The following SYT1 variants were observed in gnomAD, a reference collection of about 807,000 sequenced individuals.
SYT1 encodes the protein synaptotagmin 1.
SYT1 carries 8 observed loss-of-function variants against 44.8 expected under a neutral mutation model. The observed-to-expected ratio is 0.18, with a 90% CI of 0.10 to 0.32. The LOEUF (loss-of-function observed/expected upper bound fraction) is 0.32, where lower values mean the gene tolerates loss of function less well. SYT1 is among the 10% of genes least tolerant of loss of function. The probability of loss-of-function intolerance (pLI) is 1.00; values close to 1 mark genes in which losing one functional copy is unlikely to be tolerated. For missense variants in SYT1, 286 were observed against 509.3 expected, an observed-to-expected ratio of 0.56 and a Z score of 4.22; for synonymous variants, 154 against 188.8, an observed-to-expected ratio of 0.82 and a Z score of 1.51.
intron 8 of SYT1, among the ~76,000 whole-genome samples, chr12:79,344,961 T>A (rs961186116): frequency 6.6e-6 from 1 of 152,178 alleles, no homozygotes; most frequent in African/African-American, 2.4e-5. Context: ...ATTACATGAA[T>A]TTTACACTTA....
intron 1 of SYT1, among the ~76,000 whole-genome samples, chr12:78,932,036 T>G (rs948028066): frequency 6.6e-6 from 1 of 152,238 alleles, no homozygotes; most frequent in African/African-American, 2.4e-5. Context: ...GCAGTCTGTT[T>G]GGACAGCCAC....
chr12:79,233,315 T>C (rs1480070256), intron 4 of SYT1, among the ~76,000 whole-genome samples: 3 of 152,262 alleles, frequency 2.0e-5, no homozygotes, highest in Non-Finnish European at 4.4e-5. Context: ...ATGATTGTTA[T>C]CTAACATAGC....
At chr12:79,205,030 T>C (rs1184353317) in intron 3 of SYT1, among the ~76,000 whole-genome samples, 2 of 144,322 alleles carry the variant, frequency 1.4e-5, no homozygotes, top group Admixed American at 7.4e-5. Flanking sequence ...AGTGGTGCAA[T>C]CTCGGCTCAC....
intron 4 of SYT1, among the ~76,000 whole-genome samples, chr12:79,253,517 C>G (rs987052431): frequency 4.0e-5 from 6 of 151,382 alleles, no homozygotes; most frequent in Non-Finnish European, 8.9e-5. Context: ...CTCTCTCTCT[C>G]TCTCTCTCAC....
intron 2 of SYT1, among the ~76,000 whole-genome samples, chr12:79,000,327 C>G (rs966967724): frequency 1.6e-5 from 2 of 127,632 alleles, no homozygotes; most frequent in Middle Eastern, 5.4e-3. Flanking sequence ...GAGTTTCGCT[C>G]TAGTTGCCCA....
chr12:78,884,319 A>G (rs1299172903), intron 1 of SYT1, among the ~76,000 whole-genome samples: 2 of 151,620 alleles, frequency 1.3e-5, no homozygotes, highest in Admixed American at 6.6e-5. Context: ...GAATAGCTAT[A>G]TCTACTGCTT....
chr12:79,356,177 A>G (rs1883105711), intron 9 of SYT1, among the ~76,000 whole-genome samples: 1 of 151,488 alleles, frequency 6.6e-6, no homozygotes, highest in African/African-American at 2.4e-5. Context: ...TCTGGGAGAG[A>G]CAACAGATAC....
At chr12:79,305,157 A>G (rs987583744) in intron 8 of SYT1, among the ~76,000 whole-genome samples, 3 of 152,234 alleles carry the variant, frequency 2.0e-5, no homozygotes, top group Non-Finnish European at 4.4e-5. Context: ...GGTTAAAAAG[A>G]CTTTTCAGGC....
chr12:78,914,306 T>C (rs1052774205), intron 1 of SYT1, among the ~76,000 whole-genome samples: 1 of 151,838 alleles, frequency 6.6e-6, no homozygotes, highest in Non-Finnish European at 1.5e-5. Context: ...GTGGTGCTGA[T>C]AATGAAGAGT....
At chr12:79,256,826 GT>G (rs1877545639) in intron 4 of SYT1, among the ~76,000 whole-genome samples, 1 of 152,108 alleles carries the variant, frequency 6.6e-6, no homozygotes, top group African/African-American at 2.4e-5. Context: ...TTTTATCTGA[GT>G]AACAATATTA....
intron 1 of SYT1, among the ~76,000 whole-genome samples, chr12:78,926,138 T>C (rs929128765): frequency 1.3e-5 from 2 of 151,916 alleles, no homozygotes; most frequent in Admixed American, 1.3e-4. Context: ...AAACAAAGAG[T>C]CCTGAGGCAT....
chr12:79,100,281 C>G (rs2138046415), intron 3 of SYT1, among the ~76,000 whole-genome samples: 1 of 152,218 alleles, frequency 6.6e-6, no homozygotes, highest in East Asian at 1.9e-4. Flanking sequence ...GGTCACACAC[C>G]TAGCAAGTGG....
intron 3 of SYT1, among the ~76,000 whole-genome samples, chr12:79,105,265 A>G (rs1878651728): frequency 6.6e-6 from 1 of 152,122 alleles, no homozygotes; most frequent in South Asian, 2.1e-4. Flanking sequence ...CCAGCTTCCC[A>G]TGTGTGATGA....
chr12:78,916,725 T>C (rs1876674910), intron 1 of SYT1, among the ~76,000 whole-genome samples: 1 of 152,062 alleles, frequency 6.6e-6, no homozygotes, highest in Non-Finnish European at 1.5e-5. Context: ...GTGTTTAATA[T>C]TTAATATTGA....
chr12:79,323,948 C>CTTTTT (rs56962075), intron 8 of SYT1, among the ~76,000 whole-genome samples: 15 of 112,618 alleles, frequency 1.3e-4, no homozygotes, highest in East Asian at 2.7e-4. Flanking sequence ...TTTCTATTTT[C>CTTTTT]TTTTTTTTTT....
At chr12:78,972,203 C>G (rs569722260) in intron 1 of SYT1, among the ~76,000 whole-genome samples, 30 of 152,112 alleles carry the variant, frequency 2.0e-4, no homozygotes, top group African/African-American at 7.0e-4. Flanking sequence ...ATGTAAATAT[C>G]ATGTAAGATA....
chr12:78,931,889 C>A (rs1443994090), intron 1 of SYT1, among the ~76,000 whole-genome samples: 6 of 152,156 alleles, frequency 3.9e-5, no homozygotes, highest in African/African-American at 1.4e-4. Context: ...AAAGCAGAGT[C>A]TGTTCTCTGC....
At chr12:79,443,733 T>A (rs1343867516) in intron 9 of SYT1, among the ~76,000 whole-genome samples, 2 of 152,192 alleles carry the variant, frequency 1.3e-5, no homozygotes, top group African/African-American at 2.4e-5. Context: ...AAGCCAATTG[T>A]TAAGCTTAGT....
At chr12:79,222,462 A>T (rs1156540885) in intron 4 of SYT1, among the ~76,000 whole-genome samples, 1 of 151,128 alleles carries the variant, frequency 6.6e-6, no homozygotes, top group East Asian at 1.9e-4. Flanking sequence ...CCTCACTGCA[A>T]CCTCCACCTC....
Sources: allele counts gnomAD v4.1 joint callset (sites outside exome capture counted in the v4.1 genomes callset), GRCh38; gene constraint gnomAD v4.1.1; transcripts MANE v1.5; gene names NCBI Gene and HGNC (gene_info 2026-07-23, HGNC 2026-07-21).